SLC14A2: variants seen among roughly 807,000 people sequenced by gnomAD.
SLC14A2 encodes the protein urea transporter 2.
A neutral mutation model predicts 104.6 loss-of-function variants in SLC14A2; 91 were observed. The ratio of observed to expected loss-of-function variants is 0.87; its 90% CI spans 0.73 to 1.04. The LOEUF is 1.04. SLC14A2 is among the 50% of genes least tolerant of loss of function. The pLI, the probability that SLC14A2 is intolerant of heterozygous loss-of-function variation, is 0.00. For missense variants in SLC14A2, 1,189 were observed against 1,156.0 expected (o/e 1.03, Z -0.41); for synonymous variants, 476 against 466.4 (o/e 1.02, Z -0.27).
intron 1 of SLC14A2, among the ~76,000 whole-genome samples, chr18:45,462,366 A>G (rs576010741): frequency 2.6e-5 from 4 of 152,324 alleles, no homozygotes; most frequent in African/African-American, 9.6e-5. Context: ...TCCACGGGCC[A>G]GAGACTTGCA....
At chr18:45,475,016 A>G (rs910899771) in intron 1 of SLC14A2, among the ~76,000 whole-genome samples, 1 of 152,120 alleles carries the variant, frequency 6.6e-6, no homozygotes, top group African/African-American at 2.4e-5. Context: ...TGGGCATTTA[A>G]TGCTATAAAT....
intron 2 of SLC14A2, among the ~76,000 whole-genome samples, chr18:45,514,001 C>A (rs771805843): frequency 3.3e-5 from 5 of 152,178 alleles, no homozygotes; most frequent in Admixed American, 2.0e-4. Context: ...TTCTAACTTA[C>A]AGTTGCTAGT....
At chr18:45,536,593 C>T (rs1289302565) in intron 2 of SLC14A2, among the ~76,000 whole-genome samples, 1 of 152,158 alleles carries the variant, frequency 6.6e-6, no homozygotes, top group Non-Finnish European at 1.5e-5. Context: ...CCGCTCTTCT[C>T]CAGTATGATC....
chr18:45,417,896 C>T (rs2542969), intron 1 of SLC14A2, among the ~76,000 whole-genome samples: 4,310 of 152,178 alleles, frequency 0.028, 78 homozygotes, highest in Non-Finnish European at 0.039. Context: ...TTCTAGGAAG[C>T]CACCAATATT....
At chr18:45,175,359 A>T in the SLC14A2 span, among the ~76,000 whole-genome samples, 1 of 150,724 alleles carries the variant, frequency 6.6e-6, no homozygotes, top group Admixed American at 6.7e-5. Context: ...AAAGGTAAAA[A>T]AAAGTGTCAT....
the SLC14A2 span, among the ~76,000 whole-genome samples, chr18:45,178,409 C>T: frequency 6.6e-6 from 1 of 151,448 alleles, no homozygotes; most frequent in African/African-American, 2.4e-5. Context: ...GAAAACATAG[C>T]AGAATAAAAG....
At chr18:45,488,661 G>A (rs2087660345) in intron 2 of SLC14A2, among the ~76,000 whole-genome samples, 1 of 152,214 alleles carries the variant, frequency 6.6e-6, no homozygotes, top group African/African-American at 2.4e-5. Flanking sequence ...AAATGAAGAT[G>A]CTCTGGTCAC....
At chr18:45,364,905 G>GT (rs1287707001) in intron 1 of SLC14A2, among the ~76,000 whole-genome samples, 2 of 152,178 alleles carry the variant, frequency 1.3e-5, no homozygotes, top group Non-Finnish European at 2.9e-5. Flanking sequence ...GTCACCTCTT[G>GT]TGACAGTGAT....
At chr18:45,381,078 T>C (rs1206646596) in intron 1 of SLC14A2, among the ~76,000 whole-genome samples, 1 of 152,188 alleles carries the variant, frequency 6.6e-6, no homozygotes, top group East Asian at 1.9e-4. Context: ...ATCTCACCTA[T>C]AGCTTCATAG....
At chr18:45,394,094 T>C (rs944418262) in intron 1 of SLC14A2, among the ~76,000 whole-genome samples, 1 of 152,246 alleles carries the variant, frequency 6.6e-6, no homozygotes, top group African/African-American at 2.4e-5. Context: ...AGAAATATTA[T>C]GAACATTGAT....
chr18:45,291,486 A>T (rs574281624), intron 1 of SLC14A2, among the ~76,000 whole-genome samples: 3 of 152,198 alleles, frequency 2.0e-5, no homozygotes, highest in African/African-American at 7.2e-5. Context: ...GGGTGGTGCT[A>T]CTTATTGCCC....
chr18:45,434,156 C>T (rs1345491), intron 1 of SLC14A2, among the ~76,000 whole-genome samples: 80,473 of 151,542 alleles, frequency 0.53, 21,486 homozygotes, highest in Admixed American at 0.66. Flanking sequence ...TGTAGATTGT[C>T]CCATATTGTT....
chr18:45,448,725 G>A (rs1340438906), intron 1 of SLC14A2, among the ~76,000 whole-genome samples: 1 of 152,092 alleles, frequency 6.6e-6, no homozygotes, highest in African/African-American at 2.4e-5. Context: ...TATCTCACTG[G>A]CTTGCAGCAT....
chr18:45,666,252 G>C (rs765774542), intron 12 of SLC14A2, 33 bp downstream of exon 12: 1 of 1,452,918 alleles, frequency 6.9e-7, no homozygotes. Flanking sequence ...CAGGGACAGC[G>C]CCCTACAGTC....
At chr18:45,635,122 G>A (rs1056560730) in intron 5 of SLC14A2, among the ~76,000 whole-genome samples, 1 of 152,208 alleles carries the variant, frequency 6.6e-6, no homozygotes, top group African/African-American at 2.4e-5. Context: ...ACTGGTCGGT[G>A]GCAGGAGACA....
chr18:45,302,781 G>A (rs2084980955), intron 1 of SLC14A2, among the ~76,000 whole-genome samples: 1 of 152,044 alleles, frequency 6.6e-6, no homozygotes, highest in African/African-American at 2.4e-5. Flanking sequence ...AAATACATGT[G>A]GAATAATATG....
rs148968678 is a variant in SLC14A2 at position 45,644,109 on chromosome 18, C to T, written c.1300C>T (p.Arg434Cys). 9.9e-6 allele frequency: 16 copies of T among 1,614,090 alleles called. No homozygotes were observed. Among genetic ancestry groups the T allele is most frequent in the Admixed American group, 5.0e-5 (3 of 60,014 alleles). ...LSKVTYPEAN[R>C]IYYLTVKSGE... ...CAAAGTCACCTACCCCGAGGCCAAC[C>T]GCATCTACTACCTGACAGTGAAAAG... The change falls in exon 10 of 20, where the codon CGC becomes TGC. Residue 434 changes from arginine (R) to cysteine (C), a missense_variant. Coordinates refer to ENST00000255226, the MANE Select transcript of SLC14A2 (RefSeq NM_007163.4).
intron 10 of SLC14A2, among the ~76,000 whole-genome samples, chr18:45,648,342 A>G (rs2045661677): frequency 6.6e-6 from 1 of 151,788 alleles, no homozygotes; most frequent in Non-Finnish European, 1.5e-5. Context: ...ATTAGCTGGG[A>G]CTACAGGCAC....
At chr18:45,596,815 G>C (rs914688458) in intron 2 of SLC14A2, among the ~76,000 whole-genome samples, 3 of 152,176 alleles carry the variant, frequency 2.0e-5, no homozygotes, top group African/African-American at 7.2e-5. Flanking sequence ...ACCTGGATCA[G>C]TGTTTAATTG....
Sources: allele counts gnomAD v4.1 joint callset (sites outside exome capture counted in the v4.1 genomes callset), GRCh38; gene constraint gnomAD v4.1.1; transcripts MANE v1.5; gene names NCBI Gene and HGNC (gene_info 2026-07-23, HGNC 2026-07-21).